The following KCNJ3 variants were observed in gnomAD, a reference collection of about 807,000 sequenced individuals.
The protein encoded by KCNJ3 is potassium inwardly rectifying channel subfamily J member 3.
In KCNJ3, 4 loss-of-function variants were observed where a neutral mutation model predicts 39.2. That is an observed-to-expected ratio of 0.10 (90% CI 0.05 to 0.23). The LOEUF is 0.23. Among genes scored for constraint, KCNJ3 ranks in the 10% least tolerant of loss-of-function variants. The probability of loss-of-function intolerance (pLI) is 1.00; values close to 1 mark genes in which losing one functional copy is unlikely to be tolerated. For missense variants in KCNJ3, 276 were observed against 634.9 expected, an observed-to-expected ratio of 0.43 and a Z score of 6.08; for synonymous variants, 230 against 237.4, an observed-to-expected ratio of 0.97 and a Z score of 0.29.
intron 2 of KCNJ3, among the ~76,000 whole-genome samples, chr2:154,784,433 A>G (rs1686492522): frequency 6.6e-6 from 1 of 152,236 alleles, no homozygotes; most frequent in Non-Finnish European, 1.5e-5. Flanking sequence ...GCAGGAGTGC[A>G]GTGGTGCAAC....
chr2:154,838,822 T>C (rs1467694328), intron 2 of KCNJ3, among the ~76,000 whole-genome samples: 1 of 152,236 alleles, frequency 6.6e-6, no homozygotes. Flanking sequence ...ATGAAACATA[T>C]GTCATTGCTT....
At chr2:154,746,680 A>G (rs543502733) in intron 2 of KCNJ3, among the ~76,000 whole-genome samples, 3 of 149,722 alleles carry the variant, frequency 2.0e-5, no homozygotes, top group South Asian at 2.1e-4. Context: ...GTGTTTTCAA[A>G]TATTTCAAGA....
At chr2:154,738,543 CCTA>C (rs962338396) in intron 2 of KCNJ3, among the ~76,000 whole-genome samples, 1 of 151,798 alleles carries the variant, frequency 6.6e-6, no homozygotes, top group African/African-American at 2.4e-5. Flanking sequence ...AATATATACA[CCTA>C]CTATGTAGCC....
intron 2 of KCNJ3, among the ~76,000 whole-genome samples, chr2:154,813,452 T>C (rs372006907): frequency 6.6e-6 from 1 of 152,162 alleles, no homozygotes; most frequent in Non-Finnish European, 1.5e-5. Context: ...CTTTCTATAC[T>C]CTATTTAGCA....
intron 2 of KCNJ3, among the ~76,000 whole-genome samples, chr2:154,736,042 A>AT (rs1222251756): frequency 6.6e-6 from 1 of 152,148 alleles, no homozygotes; most frequent in South Asian, 2.1e-4. Flanking sequence ...TCTCTATTAA[A>AT]TTCCTAGGCC....
intron 2 of KCNJ3, among the ~76,000 whole-genome samples, chr2:154,747,761 C>T (rs2105179341): frequency 6.6e-6 from 1 of 152,134 alleles, no homozygotes; most frequent in African/African-American, 2.4e-5. Flanking sequence ...AACCTTCAGC[C>T]TAAAACTTAT....
At chr2:154,765,469 G>A (rs548355920) in intron 2 of KCNJ3, among the ~76,000 whole-genome samples, 1 of 152,264 alleles carries the variant, frequency 6.6e-6, no homozygotes, top group Admixed American at 6.5e-5. Context: ...GTTCTGCCTG[G>A]TTCCCTACTG....
At chr2:154,846,511 A>G (rs1400661288) in intron 2 of KCNJ3, among the ~76,000 whole-genome samples, 1 of 152,168 alleles carries the variant, frequency 6.6e-6, no homozygotes, top group Non-Finnish European at 1.5e-5. Flanking sequence ...GCTACTACCC[A>G]TATTTTATAG....
intron 2 of KCNJ3, among the ~76,000 whole-genome samples, chr2:154,819,004 G>T (rs930365188): frequency 7.7e-6 from 1 of 129,192 alleles, no homozygotes; most frequent in Non-Finnish European, 1.5e-5. Flanking sequence ...GGCAGTCCTT[G>T]CAATAGCAAG....
At chr2:154,784,849 T>C in intron 2 of KCNJ3, among the ~76,000 whole-genome samples, 1 of 152,188 alleles carries the variant, frequency 6.6e-6, no homozygotes, top group East Asian at 1.9e-4. Context: ...TCTTTGTGTC[T>C]GTTTTCAACT....
chr2:154,851,566 C>T (rs1687756289), intron 2 of KCNJ3, among the ~76,000 whole-genome samples: 1 of 152,206 alleles, frequency 6.6e-6, no homozygotes, highest in East Asian at 1.9e-4. Context: ...GTAATTTTCA[C>T]AAGCTATTTA....
chr2:154,770,892 C>CTTT (rs35293315), intron 2 of KCNJ3, among the ~76,000 whole-genome samples: 9 of 127,680 alleles, frequency 7.0e-5, no homozygotes, highest in Non-Finnish European at 1.1e-4. Flanking sequence ...TTTTCTTTTT[C>CTTT]TTTTTTTTTT....
chr2:154,769,131 A>G (rs1247707737), intron 2 of KCNJ3, among the ~76,000 whole-genome samples: 1 of 152,186 alleles, frequency 6.6e-6, no homozygotes, highest in Admixed American at 6.5e-5. Flanking sequence ...GTCATCTGCA[A>G]ACAGGGACAA....
intron 2 of KCNJ3, among the ~76,000 whole-genome samples, chr2:154,752,428 C>A (rs984116834): frequency 3.3e-5 from 5 of 151,682 alleles, no homozygotes; most frequent in African/African-American, 1.2e-4. Context: ...ATGTATGGAG[C>A]TTTAAAGAAG....
At chr2:154,784,511 T>C (rs1686493239) in intron 2 of KCNJ3, among the ~76,000 whole-genome samples, 2 of 152,132 alleles carry the variant, frequency 1.3e-5, no homozygotes, top group African/African-American at 4.8e-5. Flanking sequence ...GCCTCCCAAG[T>C]AGCTGGGATT....
intron 2 of KCNJ3, among the ~76,000 whole-genome samples, chr2:154,744,388 A>G (rs1373385730): frequency 6.6e-6 from 1 of 151,752 alleles, no homozygotes; most frequent in Non-Finnish European, 1.5e-5. Flanking sequence ...TTTGGAAGGT[A>G]TTGTTTATAA....
chr2:154,746,346 A>G (rs1182020378), intron 2 of KCNJ3, among the ~76,000 whole-genome samples: 1 of 151,828 alleles, frequency 6.6e-6, no homozygotes, highest in East Asian at 1.9e-4. Flanking sequence ...TGGCACCCCT[A>G]GCCCCCACAT....
intron 1 of KCNJ3, among the ~76,000 whole-genome samples, chr2:154,703,021 T>C (rs2105145932): frequency 6.6e-6 from 1 of 152,086 alleles, no homozygotes; most frequent in East Asian, 1.9e-4. Context: ...AACCCTATAG[T>C]TTAGTGCTGG....
chr2:154,827,441 C>T (rs1187787067), intron 2 of KCNJ3, among the ~76,000 whole-genome samples: 1 of 152,100 alleles, frequency 6.6e-6, no homozygotes, highest in African/African-American at 2.4e-5. Context: ...TAAGGCCTTT[C>T]AAAGGTGATA....
Sources: allele counts gnomAD v4.1 joint callset (sites outside exome capture counted in the v4.1 genomes callset), GRCh38; gene constraint gnomAD v4.1.1; transcripts MANE v1.5; gene names NCBI Gene and HGNC (gene_info 2026-07-23, HGNC 2026-07-21).